Variants in COL4A2 observed in about 807,000 individuals in gnomAD.
COL4A2 encodes collagen type IV alpha 2 chain.
A neutral mutation model predicts 200.2 loss-of-function variants in COL4A2; 99 were observed. The observed-to-expected ratio is 0.49, with a 90% CI of 0.42 to 0.58. The LOEUF is 0.58. COL4A2 is among the 20% of genes least tolerant of loss of function. The pLI is 0.00. For missense variants in COL4A2, 1,950 were observed against 2,314.1 expected, an observed-to-expected ratio of 0.84 and a Z score of 3.23; for synonymous variants, 897 against 900.6, an observed-to-expected ratio of 1.00 and a Z score of 0.07.
rs533602574 is a variant in COL4A2 at position 110,469,367 on chromosome 13, G to A, written c.2203+43G>A. 4.0e-5 allele frequency: 61 copies of A among 1,538,484 alleles called. 1 individual carries two copies. Among genetic ancestry groups the A allele is most frequent in the African/African-American group, 2.3e-4 (17 of 72,894 alleles). ...CCCCATTCAGCCCCTGGGTTCCAGC[G>A]GGAACCTGTGTGTGATTCATAAGCA... On this transcript the variant is annotated intron_variant, in intron 28 of 47. Transcript: ENST00000360467.
chr13:110,486,310 TA>T (rs903712794), intron 34 of COL4A2, among the ~76,000 whole-genome samples: 10 of 152,278 alleles, frequency 6.6e-5, no homozygotes, highest in African/African-American at 2.4e-4. Flanking sequence ...GTTGTGATGG[TA>T]ACAATGGTGA....
intron 10 of COL4A2, chr13:110,430,899 A>G: frequency 1.6e-6 from 1 of 615,058 alleles, no homozygotes; most frequent in Non-Finnish European, 3.1e-6. Flanking sequence ...CTACCCAGTG[A>G]CAGACAGCCC....
intron 4 of COL4A2, among the ~76,000 whole-genome samples, chr13:110,422,597 C>G (rs778273163): frequency 1.3e-5 from 2 of 152,200 alleles, no homozygotes; most frequent in Admixed American, 1.3e-4. Flanking sequence ...CCCACTGTCT[C>G]TAAAACTCTG....
chr13:110,453,065 C>CT (rs1380287469), intron 20 of COL4A2, among the ~76,000 whole-genome samples: 5 of 152,162 alleles, frequency 3.3e-5, no homozygotes, highest in Non-Finnish European at 7.3e-5. Context: ...CACACCTGGC[C>CT]TTTAATTTTT....
intron 37 of COL4A2, 74 bp downstream of exon 37, chr13:110,491,414 T>A: frequency 1.0e-6 from 1 of 984,476 alleles, no homozygotes; most frequent in Non-Finnish European, 1.6e-6. Flanking sequence ...GCGGTCAACA[T>A]TGTCAATTTC....
intron 3 of COL4A2, among the ~76,000 whole-genome samples, chr13:110,355,618 G>T (rs1283472490): frequency 2.9e-5 from 2 of 69,810 alleles, no homozygotes; most frequent in Non-Finnish European, 4.9e-5. Context: ...GTGTGTGGGG[G>T]AGGGCTGCAC....
In COL4A2 at chr13:110,428,552, C is replaced by T; in HGVS notation, c.446C>T (p.Pro149Leu). 2 of 1,576,882 alleles carry T rather than the reference C, an allele frequency of 1.3e-6. No individual in the cohort carries two copies. Among genetic ancestry groups the T allele is most frequent in the Non-Finnish European group, 1.7e-6 (2 of 1,166,466 alleles). The change falls in exon 7 of 48, where the codon CCC (proline) becomes CTC (leucine). Residue 149 changes from proline (P) to leucine (L), a missense_variant. By Grantham distance (98) the Pro-to-Leu change is moderately conservative. Around this residue, in one of 2 missense-constraint regions of COL4A2, gnomAD observed 565 missense variants for 593.5 expected, o/e 0.95. Transcript: ENST00000360467. ...CAGGGAGACTCAGGTCCACAGGGGCCCCCCGGCTCTGAGGGGTTCACCGGG... is the reference window on the plus strand; with the variant it reads ...CAGGGAGACTCAGGTCCACAGGGGCTCCCCGGCTCTGAGGGGTTCACCGGG... Reference protein sequence around the residue: ...GTQGDSGPQGPPGSEGFTGPP... With the variant: ...GTQGDSGPQGLPGSEGFTGPP...
intron 3 of COL4A2, among the ~76,000 whole-genome samples, chr13:110,341,877 A>G (rs1183745801): frequency 6.6e-6 from 1 of 152,248 alleles, no homozygotes; most frequent in African/African-American, 2.4e-5. Context: ...ATGACATCAC[A>G]TAGAATACTG....
chr13:110,307,960 C>T lies in COL4A2; in HGVS notation c.44+13C>T. On this transcript the variant is annotated intron_variant, in intron 2 of 47. Coordinates refer to ENST00000360467, the MANE Select transcript of COL4A2 (RefSeq NM_001846.4). This position sits in a 1 kb window ranked among gnomAD's most constrained non-coding sequence, Gnocchi z 5.0. The stretch of plus-strand genomic sequence containing the variant: ...CTGCCCTACGGCGGTAAGCGACTTT[C>T]TGCCTGGTCCCCGTGGGTCACGCGC... 3.1e-6 allele frequency: 5 copies of T among 1,612,580 alleles called. No homozygotes were observed. The highest frequency in any genetic ancestry group is 4.2e-6 in the Non-Finnish European group (5 of 1,179,534).
chr13:110,429,556 C>T (rs1041798064), intron 7 of COL4A2, among the ~76,000 whole-genome samples: 15 of 152,160 alleles, frequency 9.9e-5, no homozygotes, highest in Admixed American at 2.6e-4. Context: ...AAAGAAAGCA[C>T]GTAATAGTAT....
intron 16 of COL4A2, among the ~76,000 whole-genome samples, chr13:110,441,172 A>G (rs574402161): frequency 1.3e-5 from 2 of 152,254 alleles, no homozygotes; most frequent in South Asian, 4.1e-4. Flanking sequence ...CCTCAGAATC[A>G]CAACTCCGTT....
chr13:110,340,222 G>T (rs7334626), intron 3 of COL4A2, among the ~76,000 whole-genome samples: 14,193 of 152,166 alleles, frequency 0.093, 862 homozygotes, highest in Non-Finnish European at 0.14. Context: ...GGTTCAAGCA[G>T]TTCCCTGCCT....
chr13:110,499,343 C>T (rs1883564561), intron 40 of COL4A2, among the ~76,000 whole-genome samples: 1 of 152,228 alleles, frequency 6.6e-6, no homozygotes, highest in African/African-American at 2.4e-5. Flanking sequence ...ACACATCCTT[C>T]TTCACTGGCG....
At chr13:110,419,494 C>T (rs570264106) in intron 4 of COL4A2, among the ~76,000 whole-genome samples, 27 of 152,332 alleles carry the variant, frequency 1.8e-4, no homozygotes, top group Non-Finnish European at 3.4e-4. Flanking sequence ...ATCTGTCCAC[C>T]TTTGTTTAAG....
At chr13:110,493,081 G>T in intron 38 of COL4A2, 130 bp from the exon 39 acceptor site, 1 of 222,398 alleles carries the variant, frequency 4.5e-6, no homozygotes. Flanking sequence ...ACACCCCCAT[G>T]GGTGAAATAA....
intron 3 of COL4A2, among the ~76,000 whole-genome samples, chr13:110,312,554 A>G (rs1885013214): frequency 6.6e-6 from 1 of 152,234 alleles, no homozygotes; most frequent in African/African-American, 2.4e-5. Context: ...TTGATAATAT[A>G]ATGAAGAGAT....
intron 10 of COL4A2, 115 bp from the exon 11 acceptor site, chr13:110,432,210 A>G: frequency 1.5e-6 from 2 of 1,324,476 alleles, no homozygotes; most frequent in Admixed American, 3.4e-5. Context: ...ACCTCCATGC[A>G]TCCTACACTG....
intron 4 of COL4A2, among the ~76,000 whole-genome samples, chr13:110,390,494 G>A (rs923445100): frequency 1.2e-4 from 18 of 152,202 alleles, no homozygotes; most frequent in African/African-American, 3.4e-4. Context: ...TGCACTCAAC[G>A]CCATGCCATG....
At chr13:110,445,466 G>T (rs1293166406) in intron 16 of COL4A2, among the ~76,000 whole-genome samples, 1 of 152,178 alleles carries the variant, frequency 6.6e-6, no homozygotes, top group Non-Finnish European at 1.5e-5. Context: ...AACACCACGG[G>T]GGTGAGACTG....
Sources: allele counts gnomAD v4.1 joint callset (sites outside exome capture counted in the v4.1 genomes callset), GRCh38; gene constraint gnomAD v4.1.1; regional missense constraint gnomAD v4.1.1; non-coding constraint Gnocchi (gnomAD v3.1); transcripts MANE v1.5; gene names NCBI Gene and HGNC (gene_info 2026-07-23, HGNC 2026-07-21).